Variants in ZFAT observed in about 807,000 individuals in gnomAD.
ZFAT encodes the protein zinc finger protein ZFAT.
Under a neutral mutation model 117.7 loss-of-function variants are expected in ZFAT, and 64 were observed. That is an observed-to-expected ratio of 0.54 (90% CI 0.44 to 0.67). The LOEUF is 0.67. Ranked by LOEUF, ZFAT falls within the 30% of genes least tolerant of loss-of-function variation. The pLI is 0.00. For synonymous variants in ZFAT, 679 were observed against 615.0 expected (o/e 1.10, Z -1.54); for missense variants, 1,433 against 1,584.5 (o/e 0.90, Z 1.62).
At chr8:134,713,293 G>A (rs1371583454), upstream of ZFAT, among the ~76,000 whole-genome samples, 1 of 152,248 alleles carries the variant, frequency 6.6e-6, no homozygotes, top group Non-Finnish European at 1.5e-5. Context: ...CTCTGCTAGC[G>A]CGACCCTAGA....
chr8:134,494,502 C>A (rs940220344), intron 15 of ZFAT, among the ~76,000 whole-genome samples: 1 of 152,184 alleles, frequency 6.6e-6, no homozygotes, highest in African/African-American at 2.4e-5. Context: ...ACACTCTTCT[C>A]CCCCTAATTA....
chr8:134,496,214 C>G (rs1818423780), intron 15 of ZFAT, among the ~76,000 whole-genome samples: 3 of 152,242 alleles, frequency 2.0e-5, no homozygotes, highest in Non-Finnish European at 4.4e-5. Flanking sequence ...GAGTAAGTTC[C>G]ATGATCTTCC....
chr8:134,534,236 G>T (rs1274875796), intron 11 of ZFAT, among the ~76,000 whole-genome samples: 1 of 152,186 alleles, frequency 6.6e-6, no homozygotes, highest in Non-Finnish European at 1.5e-5. Flanking sequence ...TACCTAAAAT[G>T]CCATGCAAAG....
At chr8:134,777,225 C>G in the ZFAT span, among the ~76,000 whole-genome samples, 1 of 152,282 alleles carries the variant, frequency 6.6e-6, no homozygotes, top group South Asian at 2.1e-4. Context: ...AAACTAACAT[C>G]AATCTGGACA....
intron 1 of ZFAT, among the ~76,000 whole-genome samples, chr8:134,680,716 G>A (rs1174861909): frequency 6.6e-6 from 1 of 151,594 alleles, no homozygotes; most frequent in South Asian, 2.1e-4. Flanking sequence ...TATTAGGTTG[G>A]GATAATAAAA....
the ZFAT span, among the ~76,000 whole-genome samples, chr8:134,780,893 C>T: frequency 6.6e-6 from 1 of 152,156 alleles, no homozygotes; most frequent in Non-Finnish European, 1.5e-5. Flanking sequence ...TCTCAGGAAA[C>T]CAAAGTGAGT....
intron 7 of ZFAT, among the ~76,000 whole-genome samples, chr8:134,592,770 C>A (rs894468540): frequency 3.9e-5 from 6 of 152,084 alleles, no homozygotes; most frequent in Non-Finnish European, 8.8e-5. Flanking sequence ...GAAGGAGCAC[C>A]CTCCACCTCC....
At chr8:134,693,802 C>T (rs571240979) in intron 1 of ZFAT, among the ~76,000 whole-genome samples, 1 of 152,238 alleles carries the variant, frequency 6.6e-6, no homozygotes, top group East Asian at 1.9e-4. Context: ...CACACTGTCT[C>T]AAATAGCTCA....
intron 15 of ZFAT, among the ~76,000 whole-genome samples, chr8:134,493,086 A>G (rs888496130): frequency 1.3e-5 from 2 of 152,238 alleles, no homozygotes; most frequent in African/African-American, 2.4e-5. Flanking sequence ...GACAGCAGAC[A>G]TATTTTCTTT....
At chr8:134,672,503 A>T (rs543252098) in intron 1 of ZFAT, among the ~76,000 whole-genome samples, 44 of 152,340 alleles carry the variant, frequency 2.9e-4, no homozygotes, top group African/African-American at 1.0e-3. Flanking sequence ...ACATGTATAC[A>T]TATGTAACAA....
chr8:134,612,818 CT>C (rs1306402121), intron 3 of ZFAT, among the ~76,000 whole-genome samples: 2 of 152,244 alleles, frequency 1.3e-5, no homozygotes, highest in Admixed American at 1.3e-4. Flanking sequence ...CGTGTCCCTC[CT>C]TTGAAGAGCA....
intron 1 of ZFAT, among the ~76,000 whole-genome samples, chr8:134,660,898 G>C (rs933984173): frequency 1.3e-5 from 2 of 152,270 alleles, no homozygotes; most frequent in African/African-American, 4.8e-5. Flanking sequence ...GAAGGCCTGA[G>C]GACCCTGGGT....
intron 11 of ZFAT, among the ~76,000 whole-genome samples, chr8:134,549,147 A>T (rs191656498): frequency 2.6e-5 from 4 of 152,270 alleles, no homozygotes; most frequent in Admixed American, 2.6e-4. Flanking sequence ...TGTTTCATAG[A>T]AATACGAGTT....
chr8:134,527,759 G>C (rs1821125095), intron 12 of ZFAT, among the ~76,000 whole-genome samples: 1 of 152,118 alleles, frequency 6.6e-6, no homozygotes, highest in Non-Finnish European at 1.5e-5. Flanking sequence ...TGCAGCAGAG[G>C]AAACAAAGTG....
intron 10 of ZFAT, among the ~76,000 whole-genome samples, chr8:134,579,283 G>A (rs1416400039): frequency 6.6e-6 from 1 of 152,292 alleles, no homozygotes. Context: ...TGCTGATAAA[G>A]ACATACCTGA....
intron 1 of ZFAT, among the ~76,000 whole-genome samples, chr8:134,669,182 G>T (rs1396310287): frequency 6.6e-6 from 1 of 152,186 alleles, no homozygotes. Flanking sequence ...CACTCTGCAG[G>T]ATATTATCCA....
chr8:134,662,987 T>C (rs1027966189), intron 1 of ZFAT, among the ~76,000 whole-genome samples: 3 of 152,260 alleles, frequency 2.0e-5, no homozygotes, highest in African/African-American at 7.2e-5. Context: ...AGCGCAGACA[T>C]GCACGCACAG....
chr8:134,639,357 T>C (rs1830452581), intron 2 of ZFAT, among the ~76,000 whole-genome samples: 1 of 152,206 alleles, frequency 6.6e-6, no homozygotes, highest in Admixed American at 6.5e-5. Context: ...GCAACGCCAC[T>C]GGTGAGTGGG....
the ZFAT span, among the ~76,000 whole-genome samples, chr8:134,759,452 G>A: frequency 2.0e-5 from 3 of 152,048 alleles, no homozygotes; most frequent in African/African-American, 7.2e-5. Context: ...CCTATTATCT[G>A]GGACATCAAA....
Sources: gnomAD v4.1 joint callset for allele counts (sites outside exome capture counted in the v4.1 genomes callset) on GRCh38, gnomAD v4.1.1 for gene constraint, MANE v1.5 for transcripts, NCBI Gene and HGNC (gene_info 2026-07-23, HGNC 2026-07-21) for gene names.